Variants in MTA3 observed in about 807,000 individuals in gnomAD.
MTA3 encodes the protein metastasis-associated protein MTA3.
In MTA3, 34 loss-of-function variants were observed where a neutral mutation model predicts 83.5. The ratio of observed to expected loss-of-function variants is 0.41; its 90% CI spans 0.31 to 0.54. The LOEUF (loss-of-function observed/expected upper bound fraction) is 0.54, where lower values mean the gene tolerates loss of function less well. MTA3 is among the 20% of genes least tolerant of loss of function. The probability of loss-of-function intolerance (pLI) is 0.33; values close to 1 mark genes in which losing one functional copy is unlikely to be tolerated. For missense variants in MTA3, 761 were observed against 726.4 expected (o/e 1.05, Z -0.55); for synonymous variants, 303 against 252.7 (o/e 1.20, Z -1.89).
chr2:42,743,216 G>A (rs1345358541), intron 16 of MTA3, among the ~76,000 whole-genome samples: 1 of 152,196 alleles, frequency 6.6e-6, no homozygotes, highest in Non-Finnish European at 1.5e-5. Flanking sequence ...TCTTTCCACA[G>A]TGACAACTAC....
rs1670081251 is a variant in MTA3 at position 42,754,105 on chromosome 2, G to A, written c.*706G>A. The A allele has an allele frequency of 1.0e-6, 1 of 985,340 alleles. No individual in the cohort carries two copies. 61.0% of individuals were successfully genotyped at this position (985,340 alleles called of 1,614,324 possible). Reference sequence around the variant, plus strand: ...GTTTTGTGGTTGGAGAGAAACTGGTGTTCTGCCCGGCTCTGCTTGGTCACA... The same window carrying A: ...GTTTTGTGGTTGGAGAGAAACTGGTATTCTGCCCGGCTCTGCTTGGTCACA... On this transcript the variant is annotated 3_prime_UTR_variant, in exon 17 of 17. Transcript: ENST00000405094.
At position 42,586,477 on chromosome 2, in the gene MTA3, A is replaced by AACACACACACACACAC. The variant is rs573814961; in HGVS notation, c.190+7299_190+7314dup. 8.0e-4 allele frequency among the ~76,000 whole-genome samples: 58 copies of AACACACACACACACAC among 72,714 alleles called. 2 individuals carry two copies. Among genetic ancestry groups the AACACACACACACACAC allele is most frequent in the African/African-American group, 3.4e-3 (57 of 16,792 alleles). The allele number at this position is 72,714 out of a possible 152,430, so 47.7% of individuals were successfully genotyped here. On this transcript the variant is annotated intron_variant, in intron 3 of 16. Transcript: ENST00000405094. ...GAAACCGGTACAAAGAAGGAAGGAA[A>AACACACACACACACAC]ACACACACACACACACACACACACA... is the stretch of plus-strand genomic sequence containing the variant.
At chr2:42,687,820 G>T (rs1692525116) in intron 9 of MTA3, among the ~76,000 whole-genome samples, 1 of 152,128 alleles carries the variant, frequency 6.6e-6, no homozygotes, top group South Asian at 2.1e-4. Flanking sequence ...CAGTTTGTTG[G>T]CATGAGGCAA....
At chr2:42,680,753 A>G (rs1691813811) in intron 8 of MTA3, among the ~76,000 whole-genome samples, 1 of 152,164 alleles carries the variant, frequency 6.6e-6, no homozygotes, top group South Asian at 2.1e-4. Flanking sequence ...ATTGGAGGAA[A>G]ATGCCTTCTT....
At position 42,626,067 on chromosome 2, in the gene MTA3, C is replaced by T. The variant is rs1455223924; in HGVS notation, c.318-14106C>T. Among the ~76,000 whole-genome samples the T allele has an allele frequency of 8.1e-5, 12 of 147,446 alleles. 1 individual carries two copies. Among genetic ancestry groups the T allele is most frequent in the African/African-American group, 1.8e-4 (7 of 39,468 alleles). ...ATGCCATTCTCCTGCCTCAGCCTCC[C>T]GAGTAGCTGGGACTACAGGCGCCTG... On this transcript the variant is annotated intron_variant, in intron 4 of 16. Coordinates refer to ENST00000405094, the MANE Select transcript of MTA3 (RefSeq NM_001330442.2).
In MTA3 at chr2:42,636,626, CT is replaced by C. The variant is rs869057645; in HGVS notation, c.318-3528del. Among the ~76,000 whole-genome samples the C allele has an allele frequency of 7.7e-3, 1,005 of 130,052 alleles. 3 individuals carry two copies. Among genetic ancestry groups the C allele is most frequent in the African/African-American group, 0.024 (849 of 34,728 alleles). 85.3% of individuals were successfully genotyped at this position (130,052 alleles called of 152,430 possible). A position where few individuals can be genotyped will look rare whatever the true frequency, so the allele number is the denominator to read the frequency against. ...AATTTAAACTTCTTTCTCTTTCTTT[CT>C]TTTTTTTTTTTTTTTTTTGAGACGG... On this transcript the variant is annotated intron_variant, in intron 4 of 16. Transcript: ENST00000405094.
At chr2:42,602,802 G>A (rs1682742965) in intron 3 of MTA3, among the ~76,000 whole-genome samples, 1 of 152,092 alleles carries the variant, frequency 6.6e-6, no homozygotes, top group South Asian at 2.1e-4. Flanking sequence ...CAGATACCTG[G>A]GCTATCCTTA....
At chr2:42,594,536 C>A (rs1681456746) in intron 3 of MTA3, among the ~76,000 whole-genome samples, 1 of 149,724 alleles carries the variant, frequency 6.7e-6, no homozygotes, top group East Asian at 2.0e-4. Context: ...CTGCACCAGG[C>A]CTAGGATTAA....
chr2:42,533,797 A>G (rs1281215307), intron 2 of MTA3, among the ~76,000 whole-genome samples: 2 of 143,672 alleles, frequency 1.4e-5, no homozygotes, highest in Non-Finnish European at 3.0e-5. Flanking sequence ...GTGCCACTGC[A>G]CTCCAGCCTG....
rs185730254 is a variant in MTA3, at chr2:42,701,856, A to G, written c.1026-2338A>G. ...TGAACCTGCCGGGGGCAGAGGTTGCAGTGAGCCGAGATCACGCCACTGCAC... is the reference window on the plus strand; with the variant it reads ...TGAACCTGCCGGGGGCAGAGGTTGCGGTGAGCCGAGATCACGCCACTGCAC... On this transcript the variant is annotated intron_variant, in intron 11 of 16. Coordinates refer to ENST00000405094, the MANE Select transcript of MTA3 (RefSeq NM_001330442.2). Among the ~76,000 whole-genome samples, 571 of 151,882 alleles carry G rather than the reference A, an allele frequency of 3.8e-3. 3 individuals are homozygous for G. Among genetic ancestry groups the G allele is most frequent in the African/African-American group, 0.013 (543 of 41,388 alleles).
At chr2:42,689,328 G>T (rs1692672887) in intron 9 of MTA3, among the ~76,000 whole-genome samples, 1 of 152,154 alleles carries the variant, frequency 6.6e-6, no homozygotes, top group South Asian at 2.1e-4. Context: ...TGTGGAACAT[G>T]TTGTTTTGAA....
chr2:42,674,414 T>C (rs1228276998), intron 8 of MTA3, among the ~76,000 whole-genome samples: 2 of 152,254 alleles, frequency 1.3e-5, no homozygotes, highest in Non-Finnish European at 2.9e-5. Context: ...ATGAATGAGA[T>C]GAAATGTGAC....
intron 8 of MTA3, among the ~76,000 whole-genome samples, chr2:42,677,580 G>T: frequency 6.6e-6 from 1 of 152,044 alleles, no homozygotes; most frequent in Admixed American, 6.6e-5. Flanking sequence ...CTGAGCTCAG[G>T]CAGTCCGCCT....
At chr2:42,495,614 C>G (rs942777361) in intron 2 of MTA3, among the ~76,000 whole-genome samples, 1 of 151,930 alleles carries the variant, frequency 6.6e-6, no homozygotes, top group Non-Finnish European at 1.5e-5. Context: ...AGCAAAATCT[C>G]GAATGTGGAG....
chr2:42,535,355 C>G (rs1193753543), intron 2 of MTA3, among the ~76,000 whole-genome samples: 2 of 152,206 alleles, frequency 1.3e-5, no homozygotes, highest in East Asian at 3.9e-4. Context: ...CCATTGCACT[C>G]CAGCCTGGGC....
intron 4 of MTA3, among the ~76,000 whole-genome samples, chr2:42,626,590 C>G (rs2104228265): frequency 6.6e-6 from 1 of 152,198 alleles, no homozygotes; most frequent in Non-Finnish European, 1.5e-5. Context: ...GCCACCGCAC[C>G]TGGCCTAGGA....
intron 3 of MTA3, among the ~76,000 whole-genome samples, chr2:42,594,724 A>ATTT (rs1290668170): frequency 3.2e-4 from 10 of 31,266 alleles, no homozygotes; most frequent in African/African-American, 1.3e-3. Flanking sequence ...ATATATATAT[A>ATTT]TATATTTTTT....
chr2:42,542,493 C>T (rs1676565933), intron 2 of MTA3, among the ~76,000 whole-genome samples: 2 of 152,100 alleles, frequency 1.3e-5, no homozygotes, highest in South Asian at 4.1e-4. Context: ...CACGTACACC[C>T]CTTGTTAGCT....
intron 16 of MTA3, 40 bp from the exon 17 acceptor site, chr2:42,753,334 G>A: frequency 1.3e-6 from 2 of 1,550,230 alleles, no homozygotes; most frequent in Non-Finnish European, 1.7e-6. Context: ...TCCACCATCG[G>A]GACTTGTTTA....
Sources: allele counts gnomAD v4.1 joint callset (sites outside exome capture counted in the v4.1 genomes callset), GRCh38; gene constraint gnomAD v4.1.1; transcripts MANE v1.5; gene names NCBI Gene and HGNC (gene_info 2026-07-23, HGNC 2026-07-21).